Variants in ZNF239 observed in about 807,000 individuals in gnomAD.
The protein encoded by ZNF239 is zinc finger protein (C2H2) homologous to mouse MOK-2.
ZNF239 carries 16 observed loss-of-function variants against 27.5 expected under a neutral mutation model. The observed-to-expected ratio is 0.58, with a 90% confidence interval of 0.39 to 0.88. The LOEUF is 0.88. ZNF239 is among the 40% of genes least tolerant of loss of function. The pLI is 0.00. For synonymous variants in ZNF239, 199 were observed against 192.6 expected (o/e 1.03, Z -0.27); for missense variants, 527 against 551.9 (o/e 0.95, Z 0.45).
At chr10:43,570,721 G>A (rs1837978168) in intron 2 of ZNF239, 1 of 886,890 alleles carries the variant, frequency 1.1e-6, no homozygotes, top group Admixed American at 6.2e-5. Context: ...GTCTTAGTAA[G>A]ACCCTTATTT....
intron 3 of ZNF239, among the ~76,000 whole-genome samples, chr10:43,562,706 G>C (rs1401954635): frequency 6.6e-6 from 1 of 152,194 alleles, no homozygotes; most frequent in East Asian, 1.9e-4. Context: ...TTTTTACTAT[G>C]AGCTGTCCAC....
chr10:43,564,288 T>G (rs1837482190), intron 3 of ZNF239: 1 of 984,164 alleles, frequency 1.0e-6, no homozygotes, highest in African/African-American at 1.7e-5. Context: ...ACTGACCGTA[T>G]AGTAACACTC....
rs529151044 is a variant in ZNF239 at position 43,560,271 on chromosome 10, G to T, written c.-92-2100C>A. Among the ~76,000 whole-genome samples, 5 of 152,296 alleles carry T rather than the reference G, an allele frequency of 3.3e-5. No individual in the cohort carries two copies. In the South Asian group the frequency reaches 1.0e-3, roughly 32 times the overall value. On this transcript the variant is annotated intron_variant, in intron 3 of 3. Coordinates refer to ENST00000374446, the MANE Select transcript of ZNF239 (RefSeq NM_001099282.2). ...AGCAGAGGTTGAGGTAATGTTGAAC[G>T]TACACAATGACCAATGGATTAAGGT... is the stretch of plus-strand genomic sequence containing the variant.
intron 2 of ZNF239, 193 bp from the exon 3 acceptor site, chr10:43,568,214 A>T (rs1186913684): frequency 1.0e-6 from 1 of 985,302 alleles, no homozygotes; most frequent in African/African-American, 1.7e-5. Context: ...CTTCCATCCA[A>T]ATCATTTCCC....
chr10:43,573,706 A>G, intron 1 of ZNF239, 29 bp from the exon 2 acceptor site: 1 of 973,398 alleles, frequency 1.0e-6, no homozygotes, highest in Non-Finnish European at 1.2e-6. Flanking sequence ...GGAAAGAGAA[A>G]AAGCCATGAA....
intron 2 of ZNF239, among the ~76,000 whole-genome samples, chr10:43,571,154 C>T (rs1161716887): frequency 6.6e-6 from 1 of 151,682 alleles, no homozygotes; most frequent in Admixed American, 6.6e-5. Context: ...AGGAAGGTCA[C>T]AAGTTCAATT....
intron 2 of ZNF239, chr10:43,568,245 C>A: frequency 1.3e-5 from 13 of 985,492 alleles, no homozygotes; most frequent in Non-Finnish European, 1.6e-5. Flanking sequence ...AACATATCTA[C>A]GCTCAAGTTC....
At chr10:43,574,094 T>C (rs890868871) in intron 1 of ZNF239, among the ~76,000 whole-genome samples, 1 of 152,218 alleles carries the variant, frequency 6.6e-6, no homozygotes, top group Non-Finnish European at 1.5e-5. Flanking sequence ...TGCAAGCTCT[T>C]TTCAGCGAAG....
chr10:43,565,146 C>T (rs1170647752), intron 3 of ZNF239, among the ~76,000 whole-genome samples: 9 of 152,062 alleles, frequency 5.9e-5, no homozygotes, highest in South Asian at 2.1e-4. Context: ...TGCAGTGGCA[C>T]GATCTCGGCT....
At chr10:43,558,505 G>A (rs537711730) in intron 3 of ZNF239, among the ~76,000 whole-genome samples, 7 of 151,904 alleles carry the variant, frequency 4.6e-5, no homozygotes, top group South Asian at 2.1e-4. Context: ...CTGGAGTGCC[G>A]TGGTGTGATC....
At chr10:43,564,493 T>C (rs1387922863) in intron 3 of ZNF239, among the ~76,000 whole-genome samples, 1 of 152,138 alleles carries the variant, frequency 6.6e-6, no homozygotes, top group East Asian at 1.9e-4. Flanking sequence ...TAAAAAAGAA[T>C]TGGTGGGAGA....
chr10:43,558,527 T>C (rs1349650749), intron 3 of ZNF239, among the ~76,000 whole-genome samples: 1 of 152,094 alleles, frequency 6.6e-6, no homozygotes, highest in Middle Eastern at 3.2e-3. Context: ...GGTCTCACTG[T>C]AGCCTCCACC....
intron 2 of ZNF239, among the ~76,000 whole-genome samples, chr10:43,572,911 G>T (rs956016127): frequency 2.0e-5 from 3 of 152,160 alleles, no homozygotes; most frequent in Admixed American, 2.0e-4. Flanking sequence ...GAGTATAAAG[G>T]ATGAATAACT....
chr10:43,560,816 G>T (rs1722959916), intron 3 of ZNF239, among the ~76,000 whole-genome samples: 1 of 151,856 alleles, frequency 6.6e-6, no homozygotes, highest in African/African-American at 2.4e-5. Context: ...GAGAACACAA[G>T]AATTTTGAAA....
At chr10:43,566,924 G>A (rs1353229905) in intron 3 of ZNF239, among the ~76,000 whole-genome samples, 3 of 152,094 alleles carry the variant, frequency 2.0e-5, no homozygotes, top group African/African-American at 7.2e-5. Context: ...CCTTGATTCA[G>A]GTAGTCAAAA....
intron 1 of ZNF239, among the ~76,000 whole-genome samples, 180 bp downstream of exon 1, chr10:43,574,360 G>A (rs1838224186): frequency 6.6e-6 from 1 of 152,198 alleles, no homozygotes; most frequent in East Asian, 1.9e-4. Context: ...GCAGCAGCTC[G>A]GAAATGCGGC....
At chr10:43,558,295 T>C in intron 3 of ZNF239, 124 bp from the exon 4 acceptor site, 1 of 891,046 alleles carries the variant, frequency 1.1e-6, no homozygotes, top group Non-Finnish European at 1.6e-6. Flanking sequence ...TATAGTCATG[T>C]CCTTTGGGTT....
chr10:43,558,083 T>G lies in ZNF239; in HGVS notation c.-4A>C. Reference sequence around the variant, plus strand: ...TTCCAGTAATTGTACTGGCCATGCCTTCCAAAACTAGCCAGGAGGAAAGCT... The same window carrying G: ...TTCCAGTAATTGTACTGGCCATGCCGTCCAAAACTAGCCAGGAGGAAAGCT... On this transcript the variant is annotated 5_prime_UTR_variant, in exon 4 of 4. Coordinates refer to ENST00000374446, the MANE Select transcript of ZNF239 (RefSeq NM_001099282.2). 6.2e-7 allele frequency: 1 copy of G among 1,607,410 alleles called. No homozygotes were observed. Among genetic ancestry groups the G allele is most frequent in the Non-Finnish European group, 8.5e-7 (1 of 1,175,842 alleles).
intron 3 of ZNF239, among the ~76,000 whole-genome samples, chr10:43,567,144 C>A (rs570049720): frequency 5.3e-5 from 8 of 152,000 alleles, no homozygotes; most frequent in Non-Finnish European, 8.8e-5. Flanking sequence ...AAGACTCCGT[C>A]TCAAAAAAAG....
Sources: gnomAD v4.1 joint callset for allele counts (sites outside exome capture counted in the v4.1 genomes callset) on GRCh38, gnomAD v4.1.1 for gene constraint, MANE v1.5 for transcripts, NCBI Gene and HGNC (gene_info 2026-07-23, HGNC 2026-07-21) for gene names.